The following CLASP2 variants were observed in gnomAD, a reference collection of about 807,000 sequenced individuals.
CLASP2 encodes cytoplasmic linker associated protein 2, also known as CLIP-associating protein 2.
In CLASP2, 47 loss-of-function variants were observed where a neutral mutation model predicts 194.4. The observed-to-expected ratio is 0.24, with a 90% CI of 0.19 to 0.31. CLASP2 has a LOEUF of 0.31. Ranked by LOEUF, CLASP2 falls within the 10% of genes least tolerant of loss-of-function variation. The pLI, the probability that CLASP2 is intolerant of heterozygous loss-of-function variation, is 1.00. For missense variants in CLASP2, 1,445 were observed against 1,823.6 expected (o/e 0.79, Z 3.78); for synonymous variants, 619 against 633.5 (o/e 0.98, Z 0.34).
In CLASP2 at chr3:33,573,343, A is replaced by G; in HGVS notation, c.2466T>C (p.Ala822=). ...EAVADALKKP[A]RRRYESYGMH... ...TTCCATATGATTCATATCTTCTTCGAGCTGGTTTTTTCTGTTATACATCAA... is the reference window on the plus strand; with the variant it reads ...TTCCATATGATTCATATCTTCTTCGGGCTGGTTTTTTCTGTTATACATCAA... The change falls in exon 25 of 39, where the codon GCT becomes GCC. Residue 822 remains alanine, a synonymous_variant. Coordinates refer to ENST00000682230, the MANE Select transcript of CLASP2 (RefSeq NM_001365631.1). The G allele has an allele frequency of 6.2e-7, 1 of 1,613,628 alleles. No homozygotes were observed. The highest frequency in any genetic ancestry group is 8.5e-7 in the Non-Finnish European group (1 of 1,179,740).
intron 18 of CLASP2, among the ~76,000 whole-genome samples, chr3:33,601,119 C>T (rs538465152): frequency 3.3e-5 from 5 of 152,060 alleles, no homozygotes; most frequent in African/African-American, 7.2e-5. Flanking sequence ...CCACCACGCC[C>T]GGCTAGTTTT....
chr3:33,520,495 T>TA (rs1171735710), intron 34 of CLASP2, among the ~76,000 whole-genome samples: 1 of 152,148 alleles, frequency 6.6e-6, no homozygotes, highest in Non-Finnish European at 1.5e-5. Flanking sequence ...GCTGTCCACA[T>TA]AGAGTGGTAA....
chr3:33,538,493 T>C (rs367871285), intron 33 of CLASP2, among the ~76,000 whole-genome samples: 3 of 152,322 alleles, frequency 2.0e-5, no homozygotes, highest in South Asian at 2.1e-4. Context: ...ATAAATCTAA[T>C]GCATCTTAGA....
rs972825635 is a variant in CLASP2, at chr3:33,569,984, C to T, written c.2763+743G>A. 3.3e-5 allele frequency among the ~76,000 whole-genome samples: 5 copies of T among 152,172 alleles called. No homozygotes were observed. The South Asian group carries it at 8.3e-4, about 25-fold the overall frequency. On this transcript the variant is annotated intron_variant, in intron 26 of 38. Coordinates refer to ENST00000682230, the MANE Select transcript of CLASP2 (RefSeq NM_001365631.1). The stretch of plus-strand genomic sequence containing the variant: ...AAATTCATTAATATTTTTCTTATTT[C>T]CTTGCCACATCTCCCGCTCACTTAG...
chr3:33,706,796 TAGAA>T (rs1323035891), intron 1 of CLASP2, among the ~76,000 whole-genome samples: 1 of 151,800 alleles, frequency 6.6e-6, no homozygotes, highest in Non-Finnish European at 1.5e-5. Context: ...ACCCTATCTC[TAGAA>T]AAAAAAATTT....
chr3:33,607,692 G>T (rs2074199791), intron 14 of CLASP2, among the ~76,000 whole-genome samples: 1 of 152,010 alleles, frequency 6.6e-6, no homozygotes, highest in South Asian at 2.1e-4. Context: ...AAATCTAAAA[G>T]TAATTATTTT....
At chr3:33,600,373 T>A (rs759436523) in intron 18 of CLASP2, among the ~76,000 whole-genome samples, 2 of 152,190 alleles carry the variant, frequency 1.3e-5, no homozygotes, top group Non-Finnish European at 2.9e-5. Context: ...CTTTATCAGG[T>A]TGAGAAAGAT....
chr3:33,618,339 T>C (rs1577279164), intron 12 of CLASP2, among the ~76,000 whole-genome samples: 1 of 152,178 alleles, frequency 6.6e-6, no homozygotes, highest in South Asian at 2.1e-4. Context: ...GTTGCCCAAG[T>C]ACATGAAGTT....
chr3:33,521,963 G>A (rs1335573264), intron 34 of CLASP2, among the ~76,000 whole-genome samples: 2 of 151,226 alleles, frequency 1.3e-5, no homozygotes, highest in Non-Finnish European at 2.9e-5. Flanking sequence ...TGGGAATCAG[G>A]GCATGAAAAA....
chr3:33,711,986 C>T (rs1274133619), intron 1 of CLASP2, among the ~76,000 whole-genome samples: 1 of 152,152 alleles, frequency 6.6e-6, no homozygotes, highest in Non-Finnish European at 1.5e-5. Context: ...GTAGAACTAC[C>T]ATTCCATCCA....
chr3:33,681,161 T>C (rs938481932), intron 6 of CLASP2, among the ~76,000 whole-genome samples: 5 of 150,240 alleles, frequency 3.3e-5, no homozygotes, highest in Admixed American at 2.0e-4. Context: ...AATTTCAATA[T>C]AAATTTAGAA....
intron 8 of CLASP2, 26 bp from the exon 9 acceptor site, chr3:33,632,397 C>T (rs2079249482): frequency 9.9e-6 from 15 of 1,512,504 alleles, no homozygotes; most frequent in African/African-American, 1.4e-5. Context: ...AAATTAATTT[C>T]CTAAGGTTCA....
intron 7 of CLASP2, among the ~76,000 whole-genome samples, chr3:33,648,958 C>G (rs575339318): frequency 2.6e-5 from 4 of 152,278 alleles, no homozygotes; most frequent in Non-Finnish European, 4.4e-5. Context: ...AAAGTCATAT[C>G]ACATCACTGT....
rs538089019 is a variant in CLASP2 at position 33,658,813 on chromosome 3, C to T, written c.715+4632G>A. Among the ~76,000 whole-genome samples the T allele has an allele frequency of 5.9e-5, 9 of 152,310 alleles. No individual in the cohort carries two copies. The South Asian group carries it at 1.4e-3, about 25-fold the overall frequency. Reference sequence around the variant, plus strand: ...GTGAAAAAAGATGTCAAATGACATGCACACACATGCATAAATGTACACACA... The same window carrying T: ...GTGAAAAAAGATGTCAAATGACATGTACACACATGCATAAATGTACACACA... On this transcript the variant is annotated intron_variant, in intron 7 of 38. Coordinates refer to ENST00000682230, the MANE Select transcript of CLASP2 (RefSeq NM_001365631.1).
At chr3:33,580,687 C>G (rs1245941277) in intron 23 of CLASP2, among the ~76,000 whole-genome samples, 3 of 151,868 alleles carry the variant, frequency 2.0e-5, no homozygotes, top group South Asian at 4.2e-4. Context: ...AAAGAGCAAC[C>G]TTCTAAGTAT....
At chr3:33,660,445 G>A (rs1313635035) in intron 7 of CLASP2, among the ~76,000 whole-genome samples, 1 of 152,142 alleles carries the variant, frequency 6.6e-6, no homozygotes, top group South Asian at 2.1e-4. Flanking sequence ...CTTAATGACT[G>A]TTCAGATGAC....
At chr3:33,626,594 T>C (rs1350813088) in intron 10 of CLASP2, among the ~76,000 whole-genome samples, 1 of 152,132 alleles carries the variant, frequency 6.6e-6, no homozygotes, top group Non-Finnish European at 1.5e-5. Flanking sequence ...TTTACATTGA[T>C]GCTATGAAAA....
At chr3:33,639,224 AT>A (rs1409125556) in intron 8 of CLASP2, among the ~76,000 whole-genome samples, 1 of 151,966 alleles carries the variant, frequency 6.6e-6, no homozygotes, top group Non-Finnish European at 1.5e-5. Flanking sequence ...CACCCAGATA[AT>A]TTTTGTATTT....
At position 33,632,322 on chromosome 3, in the gene CLASP2, T is replaced by C. The variant is rs914492550; in HGVS notation, c.912A>G (p.Ile304Met). ...TAGAAGGGACATCTGTAAAAGCTTTTATAAAATCATCTTCATCAACTGCTC... is the reference window on the plus strand; with the variant it reads ...TAGAAGGGACATCTGTAAAAGCTTTCATAAAATCATCTTCATCAACTGCTC... The part of the protein sequence containing the change: ...GAGAVDEDDF[I>M]KAFTDVPSIQ... The change falls in exon 9 of 39, where the codon ATA becomes ATG. Residue 304 changes from isoleucine to methionine, a missense_variant. Ile to Met is a conservative substitution (Grantham distance 10). Around this residue, in one of 4 missense-constraint regions of CLASP2, gnomAD observed 207 missense variants for 331.4 expected, o/e 0.62. Transcript: ENST00000682230. 5 of 1,606,032 alleles carry C rather than the reference T, an allele frequency of 3.1e-6. No homozygotes were observed. The African/African-American group carries it at 6.7e-5, about 22-fold the overall frequency.
Sources: allele counts gnomAD v4.1 joint callset (sites outside exome capture counted in the v4.1 genomes callset), GRCh38; gene constraint gnomAD v4.1.1; regional missense constraint gnomAD v4.1.1; transcripts MANE v1.5; gene names NCBI Gene and HGNC (gene_info 2026-07-23, HGNC 2026-07-21).